Variants in TOP6BL observed in about 807,000 individuals in gnomAD.
TOP6BL encodes the protein TOP6B like initiator of meiotic double strand breaks, also known as type 2 DNA topoisomerase 6 subunit B-like.
the TOP6BL span, among the ~76,000 whole-genome samples, chr11:66,755,269 T>C: frequency 2.6e-5 from 4 of 152,048 alleles, no homozygotes. Context: ...TACAGGTGTG[T>C]GCCACCATGC....
the TOP6BL span, among the ~76,000 whole-genome samples, chr11:66,752,884 T>C: frequency 6.6e-6 from 1 of 152,106 alleles, no homozygotes; most frequent in African/African-American, 2.4e-5. Context: ...ATGCTAGCAC[T>C]TTGGGAGGGT....
the TOP6BL span, among the ~76,000 whole-genome samples, chr11:66,784,438 A>G: frequency 2.0e-5 from 3 of 152,210 alleles, no homozygotes; most frequent in Non-Finnish European, 4.4e-5. Context: ...CTGGGACTAT[A>G]GGCATGAGCC....
chr11:66,842,993 C>G, the TOP6BL span: 1 of 1,550,596 alleles, frequency 6.4e-7, no homozygotes, highest in South Asian at 1.2e-5. Flanking sequence ...CCCCTCACTC[C>G]TAGAGGAAGG....
the TOP6BL span, chr11:66,839,075 G>A: frequency 2.9e-5 from 13 of 455,774 alleles, no homozygotes; most frequent in Non-Finnish European, 4.4e-5. Flanking sequence ...AAGTGTCAGT[G>A]CGTGGGTTGT....
At chr11:66,762,508 C>A in the TOP6BL span, 2 of 239,370 alleles carry the variant, frequency 8.4e-6, no homozygotes, top group Non-Finnish European at 1.6e-5. Flanking sequence ...CTCGCTCTGT[C>A]GCCCAGGCTA....
At chr11:66,824,423 A>T in the TOP6BL span, among the ~76,000 whole-genome samples, 304 of 44,786 alleles carry the variant, frequency 6.8e-3, 2 homozygotes, top group East Asian at 0.032. Context: ...TTTTGTATTT[A>T]TTATTATTAT....
At chr11:66,829,688 GA>G in the TOP6BL span, among the ~76,000 whole-genome samples, 1 of 151,924 alleles carries the variant, frequency 6.6e-6, no homozygotes, top group Non-Finnish European at 1.5e-5. Context: ...AGGAGTTCAA[GA>G]CCAGCCTGGG....
chr11:66,778,699 TGCCAAGTCAATCTTAA>T, the TOP6BL span, among the ~76,000 whole-genome samples: 1 of 152,080 alleles, frequency 6.6e-6, no homozygotes, highest in Non-Finnish European at 1.5e-5. Context: ...GAACCCGCAT[TGCCAAGTCAATCTTAA>T]GCCAAAAGAA....
At chr11:66,801,638 C>G in the TOP6BL span, among the ~76,000 whole-genome samples, 4 of 152,082 alleles carry the variant, frequency 2.6e-5, no homozygotes, top group Admixed American at 6.6e-5. Flanking sequence ...GAGTTTGAGA[C>G]CAGCCTGGCC....
chr11:66,840,312 T>TAC, the TOP6BL span, among the ~76,000 whole-genome samples: 25 of 152,280 alleles, frequency 1.6e-4, no homozygotes, highest in African/African-American at 5.8e-4. Flanking sequence ...GCTTCATACT[T>TAC]ACGGATCTCT....
At chr11:66,786,682 C>T in the TOP6BL span, among the ~76,000 whole-genome samples, 237 of 152,260 alleles carry the variant, frequency 1.6e-3, no homozygotes, top group Non-Finnish European at 2.6e-3. Context: ...GATTCAGGTA[C>T]AATTTTTTCT....
At chr11:66,815,052 C>A in the TOP6BL span, among the ~76,000 whole-genome samples, 2 of 152,038 alleles carry the variant, frequency 1.3e-5, no homozygotes, top group South Asian at 2.1e-4. Context: ...AAGAAGACGA[C>A]CAGTAGGGAA....
the TOP6BL span, among the ~76,000 whole-genome samples, chr11:66,831,453 T>C: frequency 6.6e-6 from 1 of 152,200 alleles, no homozygotes; most frequent in Non-Finnish European, 1.5e-5. Context: ...CACAGTGACA[T>C]GGATGAATCT....
chr11:66,812,185 C>CTTTTTTTTTTTTTTTTTTTT, the TOP6BL span, among the ~76,000 whole-genome samples: 2 of 140,300 alleles, frequency 1.4e-5, no homozygotes, highest in Non-Finnish European at 1.5e-5. Flanking sequence ...GAGTTTGCAT[C>CTTTTTTTTTTTTTTTTTTTT]TTTTTTTTTG....
At chr11:66,784,986 C>T in the TOP6BL span, among the ~76,000 whole-genome samples, 1 of 117,770 alleles carries the variant, frequency 8.5e-6, no homozygotes, top group Non-Finnish European at 1.6e-5. Context: ...TTGAGAGTCT[C>T]GCTCTATCGC....
At chr11:66,770,456 C>T in the TOP6BL span, among the ~76,000 whole-genome samples, 2 of 152,238 alleles carry the variant, frequency 1.3e-5, no homozygotes, top group Admixed American at 6.5e-5. Flanking sequence ...GTAATACCAG[C>T]GCTTTGGGAG....
the TOP6BL span, among the ~76,000 whole-genome samples, chr11:66,841,405 C>G: frequency 5.3e-5 from 8 of 152,006 alleles, no homozygotes; most frequent in African/African-American, 1.9e-4. Flanking sequence ...CATGAGCCAC[C>G]GCGCCCGGCC....
the TOP6BL span, among the ~76,000 whole-genome samples, chr11:66,840,526 C>G: frequency 6.6e-6 from 1 of 152,136 alleles, no homozygotes; most frequent in Non-Finnish European, 1.5e-5. Flanking sequence ...AGAAGAAAAT[C>G]TCCCGTGACC....
the TOP6BL span, among the ~76,000 whole-genome samples, chr11:66,788,562 A>T: frequency 1.3e-5 from 2 of 152,118 alleles, no homozygotes; most frequent in South Asian, 2.1e-4. Flanking sequence ...AGCAATAGAG[A>T]TTTATTTTCT....
Sources: gnomAD v4.1 joint callset for allele counts (sites outside exome capture counted in the v4.1 genomes callset) on GRCh38, gnomAD v4.1.1 for gene constraint, MANE v1.5 for transcripts, NCBI Gene and HGNC (gene_info 2026-07-23, HGNC 2026-07-21) for gene names.